ADAMTS3: variants seen among roughly 807,000 people sequenced by gnomAD.
ADAMTS3 encodes A disintegrin and metalloproteinase with thrombospondin motifs 3.
Under a neutral mutation model 129.0 loss-of-function variants are expected in ADAMTS3, and 73 were observed. That is an observed-to-expected ratio of 0.57 (90% CI 0.47 to 0.69). The LOEUF (loss-of-function observed/expected upper bound fraction) is 0.69. Ranked by LOEUF, ADAMTS3 falls within the 30% of genes least tolerant of loss-of-function variation. The pLI is 0.00. For missense variants in ADAMTS3, 1,457 were observed against 1,514.5 expected (o/e 0.96, Z 0.63); for synonymous variants, 477 against 510.8 (o/e 0.93, Z 0.89).
At chr4:72,541,831 T>A (rs6841706) in intron 3 of ADAMTS3, among the ~76,000 whole-genome samples, 96,118 of 151,992 alleles carry the variant, frequency 0.63, 30,711 homozygotes, top group African/African-American at 0.71. Flanking sequence ...AGTCCATTAG[T>A]TTTCTTTTTC....
intron 3 of ADAMTS3, among the ~76,000 whole-genome samples, chr4:72,428,281 T>A (rs1375871834): frequency 6.6e-6 from 1 of 152,082 alleles, no homozygotes; most frequent in Non-Finnish European, 1.5e-5. Flanking sequence ...CATATAAAAT[T>A]TTATTCATTA....
intron 3 of ADAMTS3, among the ~76,000 whole-genome samples, chr4:72,523,540 T>C (rs1195449138): frequency 6.6e-6 from 1 of 152,022 alleles, no homozygotes; most frequent in Non-Finnish European, 1.5e-5. Flanking sequence ...TGTGAAACAA[T>C]ACTATACATT....
chr4:72,328,724 T>G (rs1431121130), intron 5 of ADAMTS3, among the ~76,000 whole-genome samples: 2 of 152,196 alleles, frequency 1.3e-5, no homozygotes, highest in Non-Finnish European at 2.9e-5. Flanking sequence ...ATTACTGCTA[T>G]TATTCATATA....
intron 17 of ADAMTS3, among the ~76,000 whole-genome samples, chr4:72,299,407 T>C (rs529032178): frequency 6.6e-6 from 1 of 152,324 alleles, no homozygotes; most frequent in South Asian, 2.1e-4. Flanking sequence ...GCATAGTCTG[T>C]AATCCTAAAA....
chr4:72,455,899 G>GCA (rs1718550109), intron 3 of ADAMTS3, among the ~76,000 whole-genome samples: 4 of 102,884 alleles, frequency 3.9e-5, no homozygotes, highest in Admixed American at 1.2e-4. Flanking sequence ...TTTATATATA[G>GCA]TATATACACT....
rs149118364 is a variant in ADAMTS3 at position 72,290,958 on chromosome 4, C to A, written c.2828G>T (p.Arg943Leu). The change falls in exon 20 of 22, where the codon CGC becomes CTC. Residue 943 changes from arginine (R) to leucine (L), a missense_variant. Coordinates refer to ENST00000286657, the MANE Select transcript of ADAMTS3 (RefSeq NM_014243.3). ...CATGCAGTATTTGCTGTGCACAGAGCGGTTGGTGCCATCAAGGAGTGGCTG... is the reference window on the plus strand; with the variant it reads ...CATGCAGTATTTGCTGTGCACAGAGAGGTTGGTGCCATCAAGGAGTGGCTG... The part of the protein sequence containing the change: ...CLQPLLDGTN[R>L]SVHSKYCMGD... 6.2e-7 allele frequency: 1 copy of A among 1,613,996 alleles called. No individual in the cohort carries two copies. The highest frequency in any genetic ancestry group is 8.5e-7 in the Non-Finnish European group (1 of 1,179,964).
At chr4:72,323,275 T>C (rs1036918126) in intron 5 of ADAMTS3, 178 bp from the exon 6 acceptor site, 75 of 585,218 alleles carry the variant, frequency 1.3e-4, no homozygotes, top group African/African-American at 1.2e-3. Context: ...AATGTGTGGA[T>C]ATGTAAATTG....
intron 3 of ADAMTS3, among the ~76,000 whole-genome samples, chr4:72,535,106 C>T (rs1721153851): frequency 6.6e-6 from 1 of 152,058 alleles, no homozygotes; most frequent in Non-Finnish European, 1.5e-5. Context: ...CTTTCTTGTC[C>T]AGGCAGCCAG....
At chr4:72,555,513 C>T (rs773310071) in intron 2 of ADAMTS3, among the ~76,000 whole-genome samples, 2 of 151,788 alleles carry the variant, frequency 1.3e-5, no homozygotes, top group Non-Finnish European at 2.9e-5. Context: ...CTGGCCTGAG[C>T]TTCCATAGCA....
intron 3 of ADAMTS3, among the ~76,000 whole-genome samples, chr4:72,548,219 C>G (rs1022160915): frequency 6.7e-6 from 1 of 149,874 alleles, no homozygotes; most frequent in East Asian, 2.0e-4. Context: ...AAAACATTAA[C>G]AAAAAAAAAT....
intron 3 of ADAMTS3, among the ~76,000 whole-genome samples, chr4:72,494,359 C>T (rs1380168505): frequency 6.6e-6 from 1 of 152,108 alleles, no homozygotes; most frequent in East Asian, 1.9e-4. Flanking sequence ...GTTGCTGACA[C>T]TCTCTATTGC....
chr4:72,362,571 C>A (rs1029276171), intron 4 of ADAMTS3, among the ~76,000 whole-genome samples: 1 of 152,050 alleles, frequency 6.6e-6, no homozygotes, highest in African/African-American at 2.4e-5. Flanking sequence ...TGAAAATTTT[C>A]TCTGCAGACT....
intron 16 of ADAMTS3, among the ~76,000 whole-genome samples, chr4:72,305,719 A>C (rs1719066567): frequency 6.6e-6 from 1 of 152,054 alleles, no homozygotes; most frequent in Admixed American, 6.6e-5. Flanking sequence ...TTTGATTCTT[A>C]CATATACGTA....
At chr4:72,451,985 G>T (rs1314358710) in intron 3 of ADAMTS3, among the ~76,000 whole-genome samples, 2 of 151,676 alleles carry the variant, frequency 1.3e-5, no homozygotes, top group African/African-American at 2.4e-5. Flanking sequence ...AGCTACTCAG[G>T]AGACTTAGGT....
chr4:72,312,218 G>A (rs1376391541), intron 13 of ADAMTS3, 73 bp downstream of exon 13: 19 of 1,530,192 alleles, frequency 1.2e-5, no homozygotes, highest in Middle Eastern at 2.1e-4. Flanking sequence ...AGAGTCCATG[G>A]GGTTCGTGCT....
intron 3 of ADAMTS3, among the ~76,000 whole-genome samples, chr4:72,546,426 T>C (rs907433453): frequency 6.8e-6 from 1 of 146,900 alleles, no homozygotes; most frequent in Non-Finnish European, 1.5e-5. Context: ...AGTGATTTCA[T>C]CTGAACGAAG....
chr4:72,536,018 G>A (rs748675696), intron 3 of ADAMTS3, among the ~76,000 whole-genome samples: 3 of 152,112 alleles, frequency 2.0e-5, no homozygotes, highest in Non-Finnish European at 4.4e-5. Context: ...CACCACTGAA[G>A]GAACTGTTTC....
At chr4:72,418,806 G>A (rs1229651997) in intron 3 of ADAMTS3, among the ~76,000 whole-genome samples, 2 of 152,204 alleles carry the variant, frequency 1.3e-5, no homozygotes, top group Non-Finnish European at 2.9e-5. Context: ...GCTTCCCATT[G>A]CACTTAAAAC....
intron 3 of ADAMTS3, among the ~76,000 whole-genome samples, chr4:72,472,629 C>G (rs2109995400): frequency 6.6e-6 from 1 of 152,192 alleles, no homozygotes; most frequent in South Asian, 2.1e-4. Flanking sequence ...AGATTCTGTT[C>G]AAGAGAAATA....
Sources: gnomAD v4.1 joint callset for allele counts (sites outside exome capture counted in the v4.1 genomes callset) on GRCh38, gnomAD v4.1.1 for gene constraint, MANE v1.5 for transcripts, NCBI Gene and HGNC (gene_info 2026-07-23, HGNC 2026-07-21) for gene names.